Variants in FNDC3B observed in about 807,000 individuals in gnomAD.
FNDC3B encodes fibronectin type III domain-containing protein 3B.
Under a neutral mutation model 151.5 loss-of-function variants are expected in FNDC3B, and 12 were observed. The observed-to-expected ratio is 0.08, with a 90% CI of 0.05 to 0.13. The LOEUF is 0.13. Ranked by LOEUF, FNDC3B falls within the 10% of genes least tolerant of loss-of-function variation. The probability of loss-of-function intolerance (pLI) is 1.00; values close to 1 mark genes in which losing one functional copy is unlikely to be tolerated. For synonymous variants in FNDC3B, 528 were observed against 549.0 expected (o/e 0.96, Z 0.54); for missense variants, 1,214 against 1,505.3 (o/e 0.81, Z 3.20).
chr3:172,397,108 C>A, intron 25 of FNDC3B, 56 bp from the exon 26 acceptor site: 1 of 1,396,314 alleles, frequency 7.2e-7, no homozygotes, highest in Non-Finnish European at 9.8e-7. Context: ...CAAGATTCTT[C>A]TAGAGACAAC....
At chr3:172,333,565 C>T (rs1047381037) in intron 14 of FNDC3B, among the ~76,000 whole-genome samples, 1 of 141,296 alleles carries the variant, frequency 7.1e-6, no homozygotes, top group East Asian at 2.1e-4. Context: ...AGGCTGGTCT[C>T]AATCTCCTGA....
At chr3:172,143,823 C>A (rs931508692) in intron 3 of FNDC3B, among the ~76,000 whole-genome samples, 4 of 151,898 alleles carry the variant, frequency 2.6e-5, no homozygotes, top group Non-Finnish European at 5.9e-5. Context: ...GGAGGAGAAT[C>A]GCTTGAACCT....
chr3:172,098,728 C>G (rs1197098060), intron 1 of FNDC3B, among the ~76,000 whole-genome samples: 1 of 152,066 alleles, frequency 6.6e-6, no homozygotes, highest in Non-Finnish European at 1.5e-5. Context: ...TCCCCTTCAC[C>G]TTGGGAAGAA....
chr3:172,152,917 GT>G (rs1387282370), intron 3 of FNDC3B, among the ~76,000 whole-genome samples: 1 of 152,138 alleles, frequency 6.6e-6, no homozygotes, highest in African/African-American at 2.4e-5. Flanking sequence ...TTTGCTGCTT[GT>G]CGTGAATCCA....
chr3:172,236,892 G>A (rs1727194289), intron 4 of FNDC3B, among the ~76,000 whole-genome samples: 1 of 152,270 alleles, frequency 6.6e-6, no homozygotes, highest in African/African-American at 2.4e-5. Context: ...CCATTCTCCT[G>A]TCCAACCCTC....
chr3:172,078,092 C>T (rs988443398), intron 1 of FNDC3B, among the ~76,000 whole-genome samples: 37 of 152,168 alleles, frequency 2.4e-4, no homozygotes, highest in South Asian at 8.3e-4. Context: ...GCGATTCTCC[C>T]GCCTCAGCCT....
At chr3:172,167,438 G>A (rs1723061913) in intron 3 of FNDC3B, among the ~76,000 whole-genome samples, 1 of 152,168 alleles carries the variant, frequency 6.6e-6, no homozygotes, top group Non-Finnish European at 1.5e-5. Context: ...CACTGGTTCT[G>A]CCTGGTTCAC....
chr3:172,333,001 G>T, intron 13 of FNDC3B, 88 bp from the exon 14 acceptor site: 1 of 848,118 alleles, frequency 1.2e-6, no homozygotes, highest in Non-Finnish European at 2.1e-6. Context: ...TGATGGTAGG[G>T]AAAGGCAGTA....
rs1011948107 is a variant in FNDC3B, at chr3:172,275,712, G to A, written c.791-10214G>A. Among the ~76,000 whole-genome samples the A allele has an allele frequency of 2.6e-5, 4 of 152,296 alleles. No individual in the cohort carries two copies. The East Asian group carries it at 7.7e-4, about 29-fold the overall frequency. On this transcript the variant is annotated intron_variant, in intron 6 of 25. Coordinates refer to ENST00000415807, the MANE Select transcript of FNDC3B (RefSeq NM_022763.4). Reference sequence around the variant, plus strand: ...CCGTATAGACATTTCTTGCCTGCTGGCCCAATCTTAACTTTTCATTTTAGT... The same window carrying A: ...CCGTATAGACATTTCTTGCCTGCTGACCCAATCTTAACTTTTCATTTTAGT...
intron 25 of FNDC3B, among the ~76,000 whole-genome samples, chr3:172,386,286 A>AT (rs2108381824): frequency 6.6e-6 from 1 of 151,488 alleles, no homozygotes; most frequent in Non-Finnish European, 1.5e-5. Context: ...AAAGCAAAAC[A>AT]ATTCATATTC....
chr3:172,184,158 T>A (rs1724056666), intron 3 of FNDC3B: 1 of 152,206 alleles, frequency 6.6e-6, no homozygotes, highest in Non-Finnish European at 1.5e-5. Context: ...TGGAAATTTG[T>A]CCAGAGGCCC....
chr3:172,080,440 T>TA lies in FNDC3B; in HGVS notation c.-28-32009dup, dbSNP rs749640301. On this transcript the variant is annotated intron_variant, in intron 1 of 25. Coordinates refer to ENST00000415807, the MANE Select transcript of FNDC3B (RefSeq NM_022763.4). ...TATGTATTACCATGCCTGGCTAATT[T>TA]AAATTTTTTTTTTTTTCTAGAGATG... is the stretch of plus-strand genomic sequence containing the variant. Among the ~76,000 whole-genome samples, 615 of 83,612 alleles carry TA rather than the reference T, an allele frequency of 7.4e-3. 3 individuals carry two copies. Among genetic ancestry groups the TA allele is most frequent in the African/African-American group, 0.019 (467 of 24,136 alleles). 54.9% of individuals were successfully genotyped at this position (83,612 alleles called of 152,430 possible). A position where few individuals can be genotyped will look rare whatever the true frequency, so the allele number is the denominator to read the frequency against.
At chr3:172,116,479 C>A (rs989817618) in intron 2 of FNDC3B, among the ~76,000 whole-genome samples, 1 of 152,166 alleles carries the variant, frequency 6.6e-6, no homozygotes, top group African/African-American at 2.4e-5. Flanking sequence ...TTTTCTGTCT[C>A]TGTAGGTAGA....
chr3:172,219,281 A>G (rs1726151863), intron 3 of FNDC3B, among the ~76,000 whole-genome samples: 1 of 152,204 alleles, frequency 6.6e-6, no homozygotes, highest in Admixed American at 6.5e-5. Context: ...TGGATAGACA[A>G]TGCACCTCTT....
At chr3:172,257,731 G>T (rs1728429961) in intron 6 of FNDC3B, among the ~76,000 whole-genome samples, 1 of 152,114 alleles carries the variant, frequency 6.6e-6, no homozygotes, top group African/African-American at 2.4e-5. Flanking sequence ...CTACTCATGG[G>T]CTCAGACCAG....
At chr3:172,356,658 C>G (rs1173985617) in intron 22 of FNDC3B, among the ~76,000 whole-genome samples, 1 of 152,160 alleles carries the variant, frequency 6.6e-6, no homozygotes, top group Non-Finnish European at 1.5e-5. Context: ...GACTCCTCCT[C>G]CAGGAAGCCT....
chr3:172,071,190 T>G (rs1036776727), intron 1 of FNDC3B, among the ~76,000 whole-genome samples: 2 of 152,210 alleles, frequency 1.3e-5, no homozygotes, highest in African/African-American at 4.8e-5. Flanking sequence ...ACACTGTTCT[T>G]CAGTTTTATG....
intron 24 of FNDC3B, 31 bp from the exon 25 acceptor site, chr3:172,380,935 T>A: frequency 6.2e-7 from 1 of 1,609,944 alleles, no homozygotes; most frequent in Non-Finnish European, 8.5e-7. Context: ...ACTTTGAATT[T>A]TGAGCTTGGA....
At chr3:172,056,613 A>G (rs1716932067) in intron 1 of FNDC3B, among the ~76,000 whole-genome samples, 1 of 152,184 alleles carries the variant, frequency 6.6e-6, no homozygotes, top group African/African-American at 2.4e-5. Context: ...TTTTATGCTC[A>G]ATCTCTGTGT....
Sources: gnomAD v4.1 joint callset for allele counts (sites outside exome capture counted in the v4.1 genomes callset) on GRCh38, gnomAD v4.1.1 for gene constraint, MANE v1.5 for transcripts, NCBI Gene and HGNC (gene_info 2026-07-23, HGNC 2026-07-21) for gene names.